The following DLG2 variants were observed in gnomAD, a reference collection of about 807,000 sequenced individuals.
DLG2 encodes disks large homolog 2.
A neutral mutation model predicts 132.5 loss-of-function variants in DLG2; 45 were observed. The ratio of observed to expected loss-of-function variants is 0.34; its 90% CI spans 0.27 to 0.44. The LOEUF (loss-of-function observed/expected upper bound fraction) is 0.44, where lower values mean the gene tolerates loss of function less well. Among genes scored for constraint, DLG2 ranks in the 20% least tolerant of loss-of-function variants. The pLI is 1.00. For synonymous variants in DLG2, 424 were observed against 419.6 expected (o/e 1.01, Z -0.13); for missense variants, 1,045 against 1,196.9 (o/e 0.87, Z 1.87).
chr11:85,446,722 T>C (rs1459154139), intron 3 of DLG2, among the ~76,000 whole-genome samples: 1 of 152,064 alleles, frequency 6.6e-6, no homozygotes, highest in Admixed American at 6.6e-5. Flanking sequence ...CTATCTCCAT[T>C]GTGTCCTAAC....
chr11:84,535,619 T>C (rs1762710001), intron 6 of DLG2, among the ~76,000 whole-genome samples: 1 of 152,174 alleles, frequency 6.6e-6, no homozygotes, highest in South Asian at 2.1e-4. Flanking sequence ...GGGGTCTATC[T>C]CCATTTTTGG....
At chr11:84,988,499 G>A (rs1404302339) in intron 6 of DLG2, among the ~76,000 whole-genome samples, 2 of 152,136 alleles carry the variant, frequency 1.3e-5, no homozygotes, top group Non-Finnish European at 2.9e-5. Context: ...TAAAGAAACT[G>A]ATATTATATA....
At chr11:84,591,408 T>C (rs1434793104) in intron 6 of DLG2, among the ~76,000 whole-genome samples, 9 of 151,786 alleles carry the variant, frequency 5.9e-5, no homozygotes, top group Admixed American at 4.6e-4. Flanking sequence ...GGCTCATGCC[T>C]GTAATCCCAG....
chr11:85,511,350 T>G (rs166998), intron 3 of DLG2, among the ~76,000 whole-genome samples: 124,700 of 151,670 alleles, frequency 0.82, 51,539 homozygotes, highest in Middle Eastern at 0.89. Context: ...TGTGCACATG[T>G]ACCCTAAAAC....
intron 6 of DLG2, among the ~76,000 whole-genome samples, chr11:84,692,316 T>C (rs1002181171): frequency 6.6e-6 from 1 of 151,776 alleles, no homozygotes; most frequent in African/African-American, 2.4e-5. Context: ...ACTATCTTCA[T>C]ACTTAGTCCT....
chr11:83,849,520 A>G (rs1477502433), intron 16 of DLG2, among the ~76,000 whole-genome samples: 1 of 151,846 alleles, frequency 6.6e-6, no homozygotes, highest in Non-Finnish European at 1.5e-5. Flanking sequence ...AACGAAATGT[A>G]GAATAATAAA....
chr11:83,944,766 A>G (rs778179180), intron 14 of DLG2, among the ~76,000 whole-genome samples: 6 of 152,250 alleles, frequency 3.9e-5, no homozygotes, highest in Admixed American at 2.0e-4. Context: ...AGCCAGGCAC[A>G]GTGAAAAGTA....
chr11:84,421,869 C>T (rs547876507), intron 7 of DLG2, among the ~76,000 whole-genome samples: 2 of 152,280 alleles, frequency 1.3e-5, no homozygotes, highest in East Asian at 1.9e-4. Flanking sequence ...AATCCCTCAC[C>T]GCTTCTGCCT....
At chr11:84,004,199 C>A (rs569306632) in intron 11 of DLG2, among the ~76,000 whole-genome samples, 1 of 152,050 alleles carries the variant, frequency 6.6e-6, no homozygotes, top group South Asian at 2.1e-4. Context: ...AAAATACTAG[C>A]AAACTGAATT....
chr11:84,207,114 C>T (rs921914266), intron 8 of DLG2, among the ~76,000 whole-genome samples: 1 of 151,028 alleles, frequency 6.6e-6, no homozygotes, highest in Non-Finnish European at 1.5e-5. Context: ...TATGACTACT[C>T]CTACACTGAA....
intron 7 of DLG2, among the ~76,000 whole-genome samples, chr11:84,347,936 C>T (rs2098546272): frequency 6.6e-6 from 1 of 152,160 alleles, no homozygotes. Flanking sequence ...AATCCCCATT[C>T]TGACAATTTG....
chr11:84,621,406 G>T (rs1456738317), intron 6 of DLG2, among the ~76,000 whole-genome samples: 1 of 152,094 alleles, frequency 6.6e-6, no homozygotes, highest in African/African-American at 2.4e-5. Flanking sequence ...ATAAGCACTA[G>T]CTGTGAGTAT....
chr11:84,522,261 C>T (rs776530741), intron 7 of DLG2, among the ~76,000 whole-genome samples: 5 of 151,998 alleles, frequency 3.3e-5, no homozygotes, highest in Non-Finnish European at 7.4e-5. Flanking sequence ...CTCTAAAGCA[C>T]CAGTCCTGAA....
intron 6 of DLG2, among the ~76,000 whole-genome samples, chr11:84,827,745 G>C (rs1436534045): frequency 9.5e-6 from 1 of 105,406 alleles, no homozygotes; most frequent in East Asian, 2.5e-4. Flanking sequence ...CAAAGACCAA[G>C]AGCCATTTTT....
chr11:83,922,604 A>C (rs1348464351), intron 15 of DLG2, among the ~76,000 whole-genome samples: 2 of 152,162 alleles, frequency 1.3e-5, no homozygotes, highest in Non-Finnish European at 2.9e-5. Context: ...GCTGTTTCCC[A>C]GATTGAATCG....
At chr11:83,664,426 C>CTT (rs560427308) in intron 18 of DLG2, among the ~76,000 whole-genome samples, 1 of 141,700 alleles carries the variant, frequency 7.1e-6, no homozygotes, top group African/African-American at 2.6e-5. Context: ...TCAAACCTCA[C>CTT]TTTTTTTTTT....
chr11:84,643,805 A>G (rs1465915843), intron 6 of DLG2, among the ~76,000 whole-genome samples: 2 of 152,200 alleles, frequency 1.3e-5, no homozygotes, highest in African/African-American at 4.8e-5. Context: ...GCTTCTTATA[A>G]AGCAATGTCT....
intron 6 of DLG2, among the ~76,000 whole-genome samples, chr11:85,054,545 G>A (rs1341257956): frequency 1.3e-5 from 2 of 152,112 alleles, no homozygotes; most frequent in East Asian, 1.9e-4. Context: ...AAAACAAATT[G>A]TTCTACCAAA....
At chr11:84,317,428 C>A in intron 7 of DLG2, 1 of 1,196,448 alleles carries the variant, frequency 8.4e-7, no homozygotes, top group South Asian at 2.0e-5. Flanking sequence ...CAATGCTCCA[C>A]ACAGCTGGGC....
Sources: gnomAD v4.1 joint callset for allele counts (sites outside exome capture counted in the v4.1 genomes callset) on GRCh38, gnomAD v4.1.1 for gene constraint, MANE v1.5 for transcripts, NCBI Gene and HGNC (gene_info 2026-07-23, HGNC 2026-07-21) for gene names.